Variants in SYT2 observed in about 807,000 individuals in gnomAD.
SYT2 encodes synaptotagmin-2.
Under a neutral mutation model 39.9 loss-of-function variants are expected in SYT2, and 15 were observed. That is an observed-to-expected ratio of 0.38 (90% confidence interval 0.25 to 0.58). SYT2 has a LOEUF of 0.58. Ranked by LOEUF, SYT2 falls within the 20% of genes least tolerant of loss-of-function variation. The pLI is 0.70. For missense variants in SYT2, 389 were observed against 530.3 expected (o/e 0.73, Z 2.62); for synonymous variants, 181 against 204.5 (o/e 0.89, Z 0.98).
intron 1 of SYT2, among the ~76,000 whole-genome samples, chr1:202,675,355 A>ATT (rs767323324): frequency 2.7e-5 from 4 of 148,738 alleles, no homozygotes; most frequent in Admixed American, 2.0e-4. Context: ...ACACTAAATA[A>ATT]TTATATATAT....
chr1:202,616,713 G>A (rs375978113), intron 1 of SYT2, among the ~76,000 whole-genome samples: 2 of 152,190 alleles, frequency 1.3e-5, no homozygotes, highest in Admixed American at 6.5e-5. Context: ...TCAGCTGGCC[G>A]CTGCCTGCTT....
intron 1 of SYT2, among the ~76,000 whole-genome samples, chr1:202,706,612 A>G (rs1654258251): frequency 1.3e-5 from 2 of 152,214 alleles, no homozygotes; most frequent in Non-Finnish European, 2.9e-5. Flanking sequence ...AACCCTGGCA[A>G]TCTGGCTGTA....
At chr1:202,674,854 C>T (rs1365915830) in intron 1 of SYT2, among the ~76,000 whole-genome samples, 1 of 152,008 alleles carries the variant, frequency 6.6e-6, no homozygotes, top group Non-Finnish European at 1.5e-5. Context: ...ACTGGCCGGC[C>T]CCCTCCCCCA....
In SYT2 at chr1:202,591,681, C is replaced by T. The variant is rs1048818348; in HGVS notation, c.*5076G>A. 2 of 152,414 alleles carry T rather than the reference C, an allele frequency of 1.3e-5. No homozygotes were observed. Among genetic ancestry groups the T allele is most frequent in the African/African-American group, 4.8e-5 (2 of 41,256 alleles). The allele number at this position is 152,414 out of a possible 1,614,324, so 9.4% of individuals were successfully genotyped here. On this transcript the variant is annotated 3_prime_UTR_variant, in exon 9 of 9. Transcript: ENST00000367268. ...GATGCACGAGGGAAGAGCGTCAGCC[C>T]CTGTATTCACCGGCCTCTCCCTGAG...
intron 1 of SYT2, among the ~76,000 whole-genome samples, chr1:202,626,863 G>C (rs1691431795): frequency 6.6e-6 from 1 of 152,184 alleles, no homozygotes; most frequent in African/African-American, 2.4e-5. Context: ...TCATTTCTTA[G>C]CTACAAACCG....
chr1:202,666,583 A>G (rs1011759104), intron 1 of SYT2, among the ~76,000 whole-genome samples: 2 of 152,160 alleles, frequency 1.3e-5, no homozygotes, highest in African/African-American at 4.8e-5. Context: ...ACGCAGCCCA[A>G]AGTGAATGAC....
At position 202,708,362 on chromosome 1, in the gene SYT2, C is replaced by A. The variant is rs532055703; in HGVS notation, c.-18+1896G>T. 2.0e-3 allele frequency among the ~76,000 whole-genome samples: 308 copies of A among 152,092 alleles called. 3 individuals are homozygous for A. Among genetic ancestry groups the A allele is most frequent in the Middle Eastern group, 3.4e-3 (1 of 294 alleles). On this transcript the variant is annotated intron_variant, in intron 1 of 8. Transcript: ENST00000367268. ...GGGCCAGGTCTATGTGAGGCTATAACCTAGAAACTTTCCTCTGCCTCCCTC... is the reference window on the plus strand; with the variant it reads ...GGGCCAGGTCTATGTGAGGCTATAAACTAGAAACTTTCCTCTGCCTCCCTC...
chr1:202,681,577 G>A (rs1221648179), intron 1 of SYT2, among the ~76,000 whole-genome samples: 2 of 152,332 alleles, frequency 1.3e-5, no homozygotes, highest in East Asian at 3.9e-4. Context: ...AGCCCTGAGG[G>A]CAAAGGCATG....
Position 202,601,831 on chromosome 1 carries a change from G to A in SYT2, c.801+59C>T. The A allele has an allele frequency of 1.3e-6, 2 of 1,560,676 alleles. No homozygotes were observed. The highest frequency in any genetic ancestry group is 1.7e-6 in the Non-Finnish European group (2 of 1,146,376). ...CACCCTGTTTCCATCATGCCAAGAG[G>A]TGGAAGCCCACCTGTACATTCGTCT... On this transcript the variant is annotated intron_variant, in intron 6 of 8. Coordinates refer to ENST00000367268, the MANE Select transcript of SYT2 (RefSeq NM_177402.5). The surrounding 1 kb of genome is among the most constrained non-coding windows in gnomAD (Gnocchi z 4.0).
At chr1:202,697,085 G>A (rs1459380281) in intron 1 of SYT2, among the ~76,000 whole-genome samples, 2 of 152,210 alleles carry the variant, frequency 1.3e-5, no homozygotes, top group South Asian at 2.1e-4. Context: ...ACTAACGGCC[G>A]CAGCTGAGCA....
chr1:202,648,845 G>A (rs1692139393), intron 1 of SYT2, among the ~76,000 whole-genome samples: 1 of 152,224 alleles, frequency 6.6e-6, no homozygotes, highest in Admixed American at 6.5e-5. Context: ...AGGGCTTGAG[G>A]TCAGACAGAG....
At chr1:202,686,794 C>T (rs985709611) in intron 1 of SYT2, among the ~76,000 whole-genome samples, 1 of 152,156 alleles carries the variant, frequency 6.6e-6, no homozygotes, top group Non-Finnish European at 1.5e-5. Context: ...TGTTTGCTTT[C>T]CTCTCTAGCT....
chr1:202,668,238 C>T (rs944652462), intron 1 of SYT2, among the ~76,000 whole-genome samples: 2 of 152,206 alleles, frequency 1.3e-5, no homozygotes, highest in Admixed American at 6.5e-5. Context: ...TCATCCACAT[C>T]TGTTGGTACA....
rs1282393408 is a variant in SYT2, at chr1:202,628,488, C to T, written c.-17-22699G>A. Among the ~76,000 whole-genome samples, 1 of 152,172 alleles carries T rather than the reference C, an allele frequency of 6.6e-6. No homozygotes were observed. Among genetic ancestry groups the T allele is most frequent in the Non-Finnish European group, 1.5e-5 (1 of 68,030 alleles). ...CCAGGCCCCAGGGACAGAGACGTGCCCATCACTCTTCAGACAGAGATGCCC... is the reference window on the plus strand; with the variant it reads ...CCAGGCCCCAGGGACAGAGACGTGCTCATCACTCTTCAGACAGAGATGCCC... On this transcript the variant is annotated intron_variant, in intron 1 of 8. Coordinates refer to ENST00000367268, the MANE Select transcript of SYT2 (RefSeq NM_177402.5). This position sits in a 1 kb window ranked among gnomAD's most constrained non-coding sequence, Gnocchi z 4.2.
At chr1:202,619,210 C>T (rs11587144) in intron 1 of SYT2, among the ~76,000 whole-genome samples, 4,615 of 152,248 alleles carry the variant, frequency 0.03, 105 homozygotes, top group East Asian at 0.063. Flanking sequence ...GCTGCAGTCC[C>T]GGGGAGAGCA....
intron 1 of SYT2, among the ~76,000 whole-genome samples, chr1:202,674,175 C>T (rs757013071): frequency 1.3e-5 from 2 of 152,184 alleles, no homozygotes; most frequent in Non-Finnish European, 2.9e-5. Flanking sequence ...GATCTTGTGT[C>T]GCTGCAACCT....
rs185559583 is a variant in SYT2 at position 202,682,162 on chromosome 1, G to C, written c.-18+28096C>G. Among the ~76,000 whole-genome samples, 7 of 152,294 alleles carry C rather than the reference G, an allele frequency of 4.6e-5. No individual in the cohort carries two copies. The South Asian group carries it at 1.2e-3, about 27-fold the overall frequency. On this transcript the variant is annotated intron_variant, in intron 1 of 8. Transcript: ENST00000367268. ...TGGAGGTTAGGTAGCATTCCCTGCC[G>C]TATTTCTCCCCAGCTGCCGGCTGGG...
intron 1 of SYT2, among the ~76,000 whole-genome samples, chr1:202,653,003 T>C (rs1006852252): frequency 2.4e-5 from 3 of 122,596 alleles, no homozygotes; most frequent in Middle Eastern, 4.2e-3. Flanking sequence ...TAGCCTTGCC[T>C]GCAAGTCCCC....
At position 202,604,524 on chromosome 1, in the gene SYT2, C is replaced by G. The variant is rs758978103; in HGVS notation, c.276G>C (p.Lys92Asn). Residue 92 changes from lysine (K) to asparagine (N), a missense_variant, in exon 3 of 9, where the codon AAG becomes AAC. Lys to Asn is a moderately conservative substitution (Grantham distance 94). Coordinates refer to ENST00000367268, the MANE Select transcript of SYT2 (RefSeq NM_177402.5). ...CICKKCCCKK[K>N]KNKKEKGKGM... The stretch of plus-strand genomic sequence containing the variant: ...CTTTGCCCTTCTCCTTCTTGTTCTT[C>G]TTCTTCTTGCAGCAGCATTTCTTGC... 55 of 1,613,974 alleles carry G rather than the reference C, an allele frequency of 3.4e-5. No homozygotes were observed. Among genetic ancestry groups the G allele is most frequent in the Non-Finnish European group, 4.7e-5 (55 of 1,180,040 alleles).
Sources: gnomAD v4.1 joint callset for allele counts (sites outside exome capture counted in the v4.1 genomes callset) on GRCh38, gnomAD v4.1.1 for gene constraint, Gnocchi (gnomAD v3.1) non-coding constraint, MANE v1.5 for transcripts, NCBI Gene and HGNC (gene_info 2026-07-23, HGNC 2026-07-21) for gene names.